The following VPS37A variants were observed in gnomAD, a reference collection of about 807,000 sequenced individuals.
VPS37A encodes the protein VPS37A subunit of ESCRT-I.
A neutral mutation model predicts 49.8 loss-of-function variants in VPS37A; 30 were observed. The observed-to-expected ratio is 0.60, with a 90% CI of 0.45 to 0.82. The LOEUF is 0.82. Ranked by LOEUF, VPS37A falls within the 40% of genes least tolerant of loss-of-function variation. VPS37A has a pLI of 0.00. For synonymous variants in VPS37A, 195 were observed against 160.6 expected, an observed-to-expected ratio of 1.21 and a Z score of -1.62; for missense variants, 593 against 464.4, an observed-to-expected ratio of 1.28 and a Z score of -2.55.
At chr8:17,286,701 T>G in intron 11 of VPS37A, 1 of 310,074 alleles carries the variant, frequency 3.2e-6, no homozygotes, top group Non-Finnish European at 6.0e-6. Context: ...GTCAGTTCCT[T>G]TCTCTCACCT....
chr8:17,288,701 A>G (rs1362606679), intron 11 of VPS37A, among the ~76,000 whole-genome samples: 3 of 152,162 alleles, frequency 2.0e-5, no homozygotes, highest in African/African-American at 7.2e-5. Flanking sequence ...GCGCCTTTAT[A>G]GGAGAGTGGT....
downstream of VPS37A, chr8:17,298,317 T>G (rs570897206): frequency 6.6e-6 from 1 of 152,100 alleles, no homozygotes; most frequent in African/African-American, 2.4e-5. Context: ...ATGCCCAAAT[T>G]TTATATTCTG....
At chr8:17,257,837 C>T (rs1412681554) in intron 1 of VPS37A, among the ~76,000 whole-genome samples, 1 of 151,964 alleles carries the variant, frequency 6.6e-6, no homozygotes, top group South Asian at 2.1e-4. Context: ...CTATAGTTTT[C>T]CTTGTTTAGA....
chr8:17,280,401 C>T lies in VPS37A; in HGVS notation c.927C>T (p.Ser309=). The T allele has an allele frequency of 6.2e-7, 1 of 1,609,452 alleles. No individual in the cohort carries two copies. The highest frequency in any genetic ancestry group is 8.5e-7 in the Non-Finnish European group (1 of 1,178,478). The part of the protein sequence containing the change: ...DKYELLTQMK[S]TFEKKMQRQH... ...ATGAATTACTTACACAGATGAAGTC[C>T]ACTTTCGAAAAGAAGATGCAAAGGC... Residue 309 remains serine, a synonymous_variant, in exon 9 of 12, where the codon TCC becomes TCT. Coordinates refer to ENST00000324849, the MANE Select transcript of VPS37A (RefSeq NM_152415.3).
In VPS37A at chr8:17,249,656, G is replaced by A. The variant is rs553885337; in HGVS notation, c.125+2287G>A. Among the ~76,000 whole-genome samples the A allele has an allele frequency of 2.6e-5, 4 of 152,270 alleles. No homozygotes were observed. In the South Asian group the frequency reaches 6.2e-4, roughly 24 times the overall value. On this transcript the variant is annotated intron_variant, in intron 1 of 11. Transcript: ENST00000324849. ...TTTAAATAATGACATATATTTGTAA[G>A]CTGGGAGGTAAAAAATAATCTGTCT...
the VPS37A span, among the ~76,000 whole-genome samples, chr8:17,313,825 C>T: frequency 6.6e-6 from 1 of 152,098 alleles, no homozygotes; most frequent in Non-Finnish European, 1.5e-5. Flanking sequence ...TTTCTGTCAC[C>T]CAACCACTTC....
chr8:17,268,943 A>C lies in VPS37A; in HGVS notation c.403A>C (p.Thr135Pro). The part of the protein sequence containing the change: ...KNPPVLAPTS[T>P]AFPYLYSNPS... The stretch of plus-strand genomic sequence containing the variant: ...TCCTCCAGTTTTAGCTCCTACTTCA[A>C]CAGCATTTCCTTAGTAAGTATATTT... Residue 135 changes from threonine to proline, a missense_variant, in exon 4 of 12, where the codon ACA (threonine) becomes CCA (proline). Physicochemically the swap from Thr to Pro is conservative, Grantham distance 38. Transcript: ENST00000324849. The C allele has an allele frequency of 6.2e-7, 1 of 1,603,756 alleles. No homozygotes were observed. The highest frequency in any genetic ancestry group is 8.5e-7 in the Non-Finnish European group (1 of 1,175,414).
the VPS37A span, among the ~76,000 whole-genome samples, chr8:17,326,843 C>T: frequency 2.6e-5 from 4 of 152,214 alleles, no homozygotes; most frequent in African/African-American, 9.6e-5. Context: ...GCTTGAGAAA[C>T]ATCCAGACTC....
chr8:17,293,068 C>G (rs1205579215), intron 11 of VPS37A, among the ~76,000 whole-genome samples: 2 of 152,162 alleles, frequency 1.3e-5, no homozygotes, highest in Non-Finnish European at 2.9e-5. Flanking sequence ...TCCAGTCTCT[C>G]TGTCACTTTC....
intron 11 of VPS37A, among the ~76,000 whole-genome samples, chr8:17,287,220 GT>G (rs1450701745): frequency 6.6e-6 from 1 of 152,112 alleles, no homozygotes; most frequent in Non-Finnish European, 1.5e-5. Flanking sequence ...AAAAGCTTAT[GT>G]TATTTGATAG....
Position 17,251,870 on chromosome 8 carries a change from G to A in VPS37A, c.125+4501G>A, listed in dbSNP as rs148429558. Among the ~76,000 whole-genome samples, 19 of 152,218 alleles carry A rather than the reference G, an allele frequency of 1.2e-4. No homozygotes were observed. The East Asian group carries it at 3.7e-3, about 29-fold the overall frequency. ...GTTTAGCCTTAAAACTTCTTGTAGAGTCAGCTCTTGTATAGTTCTCCCCCA... is the reference window on the plus strand; with the variant it reads ...GTTTAGCCTTAAAACTTCTTGTAGAATCAGCTCTTGTATAGTTCTCCCCCA... On this transcript the variant is annotated intron_variant, in intron 1 of 11. Coordinates refer to ENST00000324849, the MANE Select transcript of VPS37A (RefSeq NM_152415.3).
chr8:17,259,298 T>G (rs1812765413), intron 1 of VPS37A, among the ~76,000 whole-genome samples: 1 of 152,098 alleles, frequency 6.6e-6, no homozygotes, highest in Admixed American at 6.6e-5. Flanking sequence ...GTTTGAAGAC[T>G]TTTTAAAATT....
At chr8:17,303,199 G>T (rs1817240332), downstream of VPS37A, among the ~76,000 whole-genome samples, 1 of 152,132 alleles carries the variant, frequency 6.6e-6, no homozygotes, top group Non-Finnish European at 1.5e-5. Flanking sequence ...AATAAAATAT[G>T]TGTTGACTAG....
At position 17,247,364 on chromosome 8, in the gene VPS37A, C is replaced by T. The variant is rs1811334886; in HGVS notation, c.120C>T (p.His40=). 6.5e-6 allele frequency: 10 copies of T among 1,535,090 alleles called. No individual in the cohort carries two copies. The highest frequency in any genetic ancestry group is 8.8e-6 in the Non-Finnish European group (10 of 1,138,962). The part of the protein sequence containing the change: ...QRLIESLRNS[H]SSIAEIQKDV... ...TGATCGAGTCCCTCCGGAACTCACACTCCAGGTGACTGGTCGCTGCCTCTC... is the reference window on the plus strand; with the variant it reads ...TGATCGAGTCCCTCCGGAACTCACATTCCAGGTGACTGGTCGCTGCCTCTC... The change falls in exon 1 of 12, where the codon CAC becomes CAT. Residue 40 remains histidine (H), a synonymous_variant. Coordinates refer to ENST00000324849, the MANE Select transcript of VPS37A (RefSeq NM_152415.3).
At chr8:17,283,112 A>G (rs1443198036) in intron 9 of VPS37A, among the ~76,000 whole-genome samples, 1 of 152,172 alleles carries the variant, frequency 6.6e-6, no homozygotes, top group Non-Finnish European at 1.5e-5. Context: ...GGTGCATTAC[A>G]GTTCATTTTT....
downstream of VPS37A, chr8:17,300,146 C>G (rs1156606200): frequency 2.5e-6 from 4 of 1,614,126 alleles, no homozygotes; most frequent in East Asian, 6.7e-5. Flanking sequence ...GTAGAAAACC[C>G]TGAGTGCTTG....
chr8:17,259,368 G>A (rs1408158740), intron 1 of VPS37A, among the ~76,000 whole-genome samples: 1 of 151,972 alleles, frequency 6.6e-6, no homozygotes, highest in Non-Finnish European at 1.5e-5. Flanking sequence ...ATTTCCACGT[G>A]GTTGTGTAGT....
chr8:17,266,481 A>G (rs1167597043), intron 2 of VPS37A, among the ~76,000 whole-genome samples: 1 of 152,218 alleles, frequency 6.6e-6, no homozygotes, highest in East Asian at 1.9e-4. Flanking sequence ...TTAAGTTACA[A>G]AAAGTTGGAC....
the VPS37A span, among the ~76,000 whole-genome samples, chr8:17,324,764 G>A: frequency 6.6e-6 from 1 of 152,124 alleles, no homozygotes; most frequent in Non-Finnish European, 1.5e-5. Flanking sequence ...TTTTCTATGT[G>A]GAAACCTAGG....
Sources: allele counts gnomAD v4.1 joint callset (sites outside exome capture counted in the v4.1 genomes callset), GRCh38; gene constraint gnomAD v4.1.1; transcripts MANE v1.5; gene names NCBI Gene and HGNC (gene_info 2026-07-23, HGNC 2026-07-21).